Variants in INPP4B observed in about 807,000 individuals in gnomAD.
INPP4B encodes inositol polyphosphate-4-phosphatase type II B, also known as inositol polyphosphate 4-phosphatase type II.
Under a neutral mutation model 122.5 loss-of-function variants are expected in INPP4B, and 55 were observed. The observed-to-expected ratio is 0.45, with a 90% CI of 0.36 to 0.56. The LOEUF (loss-of-function observed/expected upper bound fraction) is 0.56. Among genes scored for constraint, INPP4B ranks in the 20% least tolerant of loss-of-function variants. The pLI is 0.00. For synonymous variants in INPP4B, 403 were observed against 388.7 expected, an observed-to-expected ratio of 1.04 and a Z score of -0.43; for missense variants, 1,000 against 1,097.7, an observed-to-expected ratio of 0.91 and a Z score of 1.26.
intron 1 of INPP4B, among the ~76,000 whole-genome samples, chr4:142,829,396 T>G (rs1367582409): frequency 2.0e-5 from 3 of 152,188 alleles, no homozygotes; most frequent in African/African-American, 7.2e-5. Context: ...GCTTTTGCCC[T>G]GTGAGGTCCC....
chr4:142,723,158 GT>G (rs1038098654), intron 2 of INPP4B, among the ~76,000 whole-genome samples: 9 of 152,096 alleles, frequency 5.9e-5, no homozygotes, highest in African/African-American at 2.2e-4. Flanking sequence ...ACAAAATTGT[GT>G]TTACAGAAAG....
chr4:142,126,155 C>T (rs72718448), intron 18 of INPP4B, among the ~76,000 whole-genome samples: 4,395 of 152,022 alleles, frequency 0.029, 88 homozygotes, highest in Non-Finnish European at 0.044. Context: ...AATTCTTGAC[C>T]GTGTGACATT....
intron 9 of INPP4B, among the ~76,000 whole-genome samples, chr4:142,276,507 A>T (rs745681933): frequency 6.6e-6 from 1 of 151,910 alleles, no homozygotes; most frequent in Non-Finnish European, 1.5e-5. Context: ...GACTCTATAC[A>T]GTAAACAGCT....
At chr4:142,221,951 C>G (rs1849557662) in intron 12 of INPP4B, among the ~76,000 whole-genome samples, 2 of 152,168 alleles carry the variant, frequency 1.3e-5, no homozygotes, top group Non-Finnish European at 2.9e-5. Flanking sequence ...TCCACTATTT[C>G]TGTTCTTGTT....
intron 8 of INPP4B, among the ~76,000 whole-genome samples, chr4:142,308,906 A>C (rs1764422010): frequency 6.6e-6 from 1 of 152,118 alleles, no homozygotes. Context: ...AATCTGGACA[A>C]TTACATTACT....
rs1449180986 is a variant in INPP4B at position 142,745,616 on chromosome 4, T to C, written c.-253-19715A>G. 2.6e-5 allele frequency among the ~76,000 whole-genome samples: 4 copies of C among 151,972 alleles called. No homozygotes were observed. The East Asian group carries it at 5.8e-4, about 22-fold the overall frequency. On this transcript the variant is annotated intron_variant, in intron 1 of 25. Coordinates refer to ENST00000262992, the MANE Select transcript of INPP4B (RefSeq NM_001101669.3). ...AATAAATACTCTATACGGGAGACTT[T>C]AGGGGAATTATGATGTCACTTTTTA...
At chr4:142,029,391 A>G in intron 25 of INPP4B, 1 of 983,730 alleles carries the variant, frequency 1.0e-6, no homozygotes, top group Non-Finnish European at 1.2e-6. Context: ...TAGCTGTGCA[A>G]GGAAGAGAGA....
chr4:142,554,145 C>T (rs1403897055), intron 2 of INPP4B, among the ~76,000 whole-genome samples: 2 of 149,000 alleles, frequency 1.3e-5, no homozygotes, highest in South Asian at 2.1e-4. Flanking sequence ...GCCGATATTG[C>T]CCAGTGCACT....
intron 2 of INPP4B, among the ~76,000 whole-genome samples, chr4:142,533,907 C>T (rs1029262823): frequency 1.3e-5 from 2 of 152,178 alleles, no homozygotes; most frequent in Non-Finnish European, 2.9e-5. Context: ...TGGTCATAAA[C>T]TTGCTTTGGC....
intron 7 of INPP4B, among the ~76,000 whole-genome samples, chr4:142,370,591 T>A (rs1789523172): frequency 6.6e-6 from 1 of 152,052 alleles, no homozygotes; most frequent in East Asian, 1.9e-4. Context: ...ATAAATGAAT[T>A]CAGCAAATTT....
intron 15 of INPP4B, among the ~76,000 whole-genome samples, chr4:142,192,167 TGGAGGGTGGA>T (rs1156689021): frequency 6.6e-6 from 1 of 150,540 alleles, no homozygotes; most frequent in East Asian, 1.9e-4. Flanking sequence ...TACTTAAGGG[TGGAGGGTGGA>T]GGAGGGTGAG....
chr4:142,726,907 T>C (rs1463069386), intron 1 of INPP4B, among the ~76,000 whole-genome samples: 2 of 152,164 alleles, frequency 1.3e-5, no homozygotes, highest in Admixed American at 1.3e-4. Context: ...ATAAAGAACA[T>C]AGCATAGTAC....
intron 1 of INPP4B, among the ~76,000 whole-genome samples, chr4:142,775,842 GT>G (rs542706811): frequency 6.6e-6 from 1 of 152,080 alleles, no homozygotes; most frequent in Admixed American, 6.6e-5. Context: ...TTTACTGTAG[GT>G]TTTTTTGCAG....
At chr4:142,108,583 G>A (rs1788372319) in intron 22 of INPP4B, among the ~76,000 whole-genome samples, 1 of 152,048 alleles carries the variant, frequency 6.6e-6, no homozygotes, top group African/African-American at 2.4e-5. Context: ...TTTCACTCGT[G>A]GCAGCTGAGG....
At chr4:142,255,959 G>A (rs1735722457) in intron 11 of INPP4B, among the ~76,000 whole-genome samples, 1 of 145,148 alleles carries the variant, frequency 6.9e-6, no homozygotes. Context: ...TGGAAGTAAA[G>A]CTCTCCTCAG....
intron 2 of INPP4B, among the ~76,000 whole-genome samples, chr4:142,531,303 A>G (rs1419324817): frequency 2.0e-5 from 3 of 151,552 alleles, no homozygotes; most frequent in Non-Finnish European, 4.4e-5. Context: ...AAAGGAAAGA[A>G]GGGAGGGGAG....
intron 7 of INPP4B, among the ~76,000 whole-genome samples, chr4:142,374,827 T>C (rs1791240456): frequency 6.6e-6 from 1 of 151,850 alleles, no homozygotes; most frequent in Non-Finnish European, 1.5e-5. Context: ...TTATTATTTC[T>C]CATTTGGTAA....
chr4:142,265,898 A>G (rs1742516196), intron 10 of INPP4B, among the ~76,000 whole-genome samples: 1 of 152,172 alleles, frequency 6.6e-6, no homozygotes, highest in South Asian at 2.1e-4. Context: ...CCATTTATGA[A>G]AAGAGTATAA....
At chr4:142,567,145 A>G (rs538943958) in intron 2 of INPP4B, among the ~76,000 whole-genome samples, 1 of 152,346 alleles carries the variant, frequency 6.6e-6, no homozygotes, top group Non-Finnish European at 1.5e-5. Flanking sequence ...TTTTAAGAGC[A>G]GTCAGGAGCT....
Sources: allele counts gnomAD v4.1 joint callset (sites outside exome capture counted in the v4.1 genomes callset), GRCh38; gene constraint gnomAD v4.1.1; transcripts MANE v1.5; gene names NCBI Gene and HGNC (gene_info 2026-07-23, HGNC 2026-07-21).